The following IGSF22 variants were observed in gnomAD, a reference collection of about 807,000 sequenced individuals.
The protein encoded by IGSF22 is immunoglobulin superfamily member 22.
Under a neutral mutation model 127.0 loss-of-function variants are expected in IGSF22, and 119 were observed. The ratio of observed to expected loss-of-function variants is 0.94; its 90% CI spans 0.81 to 1.09. The LOEUF (loss-of-function observed/expected upper bound fraction) is 1.09, where lower values mean the gene tolerates loss of function less well. Ranked by LOEUF, IGSF22 falls within the 50% of genes least tolerant of loss-of-function variation. The probability of loss-of-function intolerance (pLI) is 0.00; values close to 1 mark genes in which losing one functional copy is unlikely to be tolerated. For synonymous variants in IGSF22, 568 were observed against 664.7 expected (o/e 0.85, Z 2.24); for missense variants, 1,518 against 1,716.6 (o/e 0.88, Z 2.04).
intron 4 of IGSF22, among the ~76,000 whole-genome samples, chr11:18,720,885 A>G (rs986287785): frequency 1.3e-5 from 2 of 152,086 alleles, no homozygotes; most frequent in Non-Finnish European, 1.5e-5. Context: ...GTCTGTGGGG[A>G]AAAAAGGAGG....
chr11:18,710,474 G>A lies in IGSF22; in HGVS notation c.2573-19C>T, dbSNP rs1295769445. Reference sequence around the variant, plus strand: ...TTGGTGCCTGAAATGGGAAGATGAGGGGTCGTGAGGCCAGAGGCATCCATG... The same window carrying A: ...TTGGTGCCTGAAATGGGAAGATGAGAGGTCGTGAGGCCAGAGGCATCCATG... On this transcript the variant is annotated intron_variant, in intron 16 of 22. Coordinates refer to ENST00000513874, the MANE Select transcript of IGSF22 (RefSeq NM_173588.4). 3 of 1,613,534 alleles carry A rather than the reference G, an allele frequency of 1.9e-6. No homozygotes were observed. The highest frequency in any genetic ancestry group is 1.7e-6 in the Non-Finnish European group (2 of 1,179,914).
At chr11:18,712,627 C>A (rs1368428478) in intron 14 of IGSF22, among the ~76,000 whole-genome samples, 3 of 152,224 alleles carry the variant, frequency 2.0e-5, no homozygotes, top group Non-Finnish European at 4.4e-5. Context: ...GGGCCCCTGC[C>A]CTTAGCTGAT....
chr11:18,708,421 T>C (rs1463235973), intron 18 of IGSF22, 126 bp from the exon 19 acceptor site: 1 of 651,908 alleles, frequency 1.5e-6, no homozygotes, highest in Admixed American at 3.4e-5. Flanking sequence ...CATACAGACA[T>C]CTAGCTGCCC....
chr11:18,719,028 C>T (rs1848514560), intron 7 of IGSF22, among the ~76,000 whole-genome samples: 1 of 152,112 alleles, frequency 6.6e-6, no homozygotes, highest in Non-Finnish European at 1.5e-5. Flanking sequence ...TGAATGACAG[C>T]AACAACACAA....
chr11:18,715,779 G>A, intron 10 of IGSF22, 63 bp from the exon 11 acceptor site: 1 of 1,533,512 alleles, frequency 6.5e-7, no homozygotes. Context: ...TGCAGCTATA[G>A]AGCCAAAAGC....
chr11:18,713,151 CTT>C (rs11364796), intron 14 of IGSF22, among the ~76,000 whole-genome samples: 303 of 117,596 alleles, frequency 2.6e-3, no homozygotes, highest in African/African-American at 5.7e-3. Context: ...GTTGTTGTTT[CTT>C]TTTTTTTTTT....
rs1191832868 is a variant in IGSF22 at position 18,706,081 on chromosome 11, C to G, written c.3646G>C (p.Val1216Leu). ...ACCGTGTGTGGCTTGAGGGGCGTCA[C>G]GAAGCGCGGCGCGTGGCGCCAGTCC... ...KKDWRHAPRFVTPLKPHTVLR... is the reference protein window; with the variant it reads ...KKDWRHAPRFLTPLKPHTVLR... Residue 1216 changes from valine to leucine, a missense_variant, in exon 22 of 23, where the codon GTG becomes CTG. Physicochemically the swap from Val to Leu is conservative, Grantham distance 32 (BLOSUM62 1). Around this residue, in one of 3 missense-constraint regions of IGSF22, gnomAD observed 1,456 missense variants for 1,644.9 expected, o/e 0.89. Transcript: ENST00000513874. 1.2e-5 allele frequency: 19 copies of G among 1,549,486 alleles called. No homozygotes were observed. Among genetic ancestry groups the G allele is most frequent in the Middle Eastern group, 1.7e-4 (1 of 5,988 alleles).
Position 18,712,228 on chromosome 11 carries a change from A to G in IGSF22, c.2252T>C (p.Ile751Thr), listed in dbSNP as rs770312704. ...GGTGACTTTGCCGTCCACCTCGCCTATCTTAATCCAGGACTTCTTGCCAAC... is the reference window on the plus strand; with the variant it reads ...GGTGACTTTGCCGTCCACCTCGCCTGTCTTAATCCAGGACTTCTTGCCAAC... ...RAVGKKSWIK[I>T]GEVDGKVTNF... The change falls in exon 15 of 23, where the codon ATA becomes ACA. Residue 751 changes from isoleucine to threonine, a missense_variant. Physicochemically the swap from Ile to Thr is moderately conservative, Grantham distance 89. Transcript: ENST00000513874. 7.1e-6 allele frequency: 11 copies of G among 1,551,542 alleles called. No homozygotes were observed. The African/African-American group carries it at 8.2e-5, about 12-fold the overall frequency.
chr11:18,709,704 A>G lies in IGSF22; in HGVS notation c.2702-21T>C, dbSNP rs2134159518. On this transcript the variant is annotated intron_variant, in intron 17 of 22. Transcript: ENST00000513874. This position sits in a 1 kb window ranked among gnomAD's most constrained non-coding sequence, Gnocchi z 4.8. ...GGGTTCTGGGGTAGAACAGACATGT[A>G]GTCAGCCCCTCCAACTCATCTCCAC... is the stretch of plus-strand genomic sequence containing the variant. 6.2e-7 allele frequency: 1 copy of G among 1,604,872 alleles called. No homozygotes were observed. The highest frequency in any genetic ancestry group is 8.5e-7 in the Non-Finnish European group (1 of 1,174,020).
Position 18,714,365 on chromosome 11 carries a change from G to A in IGSF22, c.1710C>T (p.Leu570=), listed in dbSNP as rs1407092425. The A allele has an allele frequency of 6.2e-7, 1 of 1,614,262 alleles. No homozygotes were observed. Among genetic ancestry groups the A allele is most frequent in the Non-Finnish European group, 8.5e-7 (1 of 1,180,054 alleles). The change falls in exon 13 of 23, where the codon CTC becomes CTT. Residue 570 remains leucine, a synonymous_variant. Coordinates refer to ENST00000513874, the MANE Select transcript of IGSF22 (RefSeq NM_173588.4). ...GCTCAGGGCCCATACTGGGAAAGAT[G>A]AGCTTGTGCACTGCACCCTGCTTCA... ...QIVKQGAVHK[L]IFPSMGPEHE...
At position 18,723,992 on chromosome 11, in the gene IGSF22, G is replaced by A. The variant is rs532880145; in HGVS notation, c.109+136C>T. 178 of 624,930 alleles carry A rather than the reference G, an allele frequency of 2.8e-4. 1 individual carries two copies. The highest frequency in any genetic ancestry group is 2.7e-3 in the African/African-American group (146 of 55,058). 38.7% of individuals were successfully genotyped at this position (624,930 alleles called of 1,614,324 possible). On this transcript the variant is annotated intron_variant, in intron 2 of 22. Coordinates refer to ENST00000513874, the MANE Select transcript of IGSF22 (RefSeq NM_173588.4). ...AACAAAGCCAAGATTAGAAGCACAC[G>A]TTGGGTGGGGGTTGCTGTTGGTATT... is the stretch of plus-strand genomic sequence containing the variant.
rs1380324998 is a variant in IGSF22, at chr11:18,719,737, C to T, written c.675G>A (p.Met225Ile). 1 of 1,614,160 alleles carries T rather than the reference C, an allele frequency of 6.2e-7. No homozygotes were observed. Among genetic ancestry groups the T allele is most frequent in the Middle Eastern group, 1.6e-4 (1 of 6,062 alleles). Reference sequence around the variant, plus strand: ...TTACCTCCACCTCTACTTTCTTCTTCATCTCTTTGAGCTTCCTGAGCAGCC... The same window carrying T: ...TTACCTCCACCTCTACTTTCTTCTTTATCTCTTTGAGCTTCCTGAGCAGCC... ...FRGLLRKLKE[M>I]KKKVEVEAIR... is the part of the protein sequence containing the mutation. The change falls in exon 7 of 23, where the codon ATG becomes ATA. Residue 225 changes from methionine (M) to isoleucine (I), a missense_variant. Coordinates refer to ENST00000513874, the MANE Select transcript of IGSF22 (RefSeq NM_173588.4).
chr11:18,714,522 A>G lies in IGSF22; in HGVS notation c.1634T>C (p.Val545Ala). The G allele has an allele frequency of 6.2e-7, 1 of 1,614,058 alleles. No individual in the cohort carries two copies. Among genetic ancestry groups the G allele is most frequent in the East Asian group, 2.2e-5 (1 of 44,874 alleles). Reference protein sequence around the residue: ...VVLNDEKVEGVWLKDGKEITD... With the variant: ...VVLNDEKVEGAWLKDGKEITD... The stretch of plus-strand genomic sequence containing the variant: ...GACCTCCTTGCCATCCTTCAGCCAC[A>G]CACCCTCCACCTTCTCGTCATTCAG... Residue 545 changes from valine to alanine, a missense_variant, in exon 12 of 23, where the codon GTG (valine) becomes GCG (alanine). Val to Ala is a moderately conservative substitution (Grantham distance 64, BLOSUM62 0). Around this residue, in one of 3 missense-constraint regions of IGSF22, gnomAD observed 1,456 missense variants for 1,644.9 expected, o/e 0.89. Coordinates refer to ENST00000513874, the MANE Select transcript of IGSF22 (RefSeq NM_173588.4).
chr11:18,726,008 T>TAGTC (rs1402585831), intron 1 of IGSF22, 66 bp downstream of exon 1: 1 of 152,510 alleles, frequency 6.6e-6, no homozygotes, highest in East Asian at 1.9e-4. Flanking sequence ...CTCTACCCTA[T>TAGTC]AGTCCCCTCT....
intron 20 of IGSF22, 78 bp from the exon 21 acceptor site, chr11:18,707,291 C>G (rs1848259258): frequency 3.9e-6 from 5 of 1,295,066 alleles, no homozygotes; most frequent in Non-Finnish European, 5.2e-6. Context: ...TCTGCCAAGT[C>G]CGATGGAAGA....
chr11:18,708,112 G>GCAGAGT lies in IGSF22; in HGVS notation c.3087+89_3087+94dup, dbSNP rs1201095267. 1.9e-5 allele frequency: 29 copies of GCAGAGT among 1,523,016 alleles called. No homozygotes were observed. The Middle Eastern group carries it at 5.4e-4, about 28-fold the overall frequency. The allele number at this position is 1,523,016 out of a possible 1,614,324, so 94.3% of individuals were successfully genotyped here. Reference sequence around the variant, plus strand: ...TGTCGCACTAGGGGTCTGGTGAGGGGCAGAGTCAGAGTCAGAGTCAGAGAC... The same window carrying GCAGAGT: ...TGTCGCACTAGGGGTCTGGTGAGGGGCAGAGTCAGAGTCAGAGTCAGAGTCAGAGAC... On this transcript the variant is annotated intron_variant, in intron 19 of 22. Coordinates refer to ENST00000513874, the MANE Select transcript of IGSF22 (RefSeq NM_173588.4).
In IGSF22 at chr11:18,709,045, G is replaced by A. The variant is rs1038876726; in HGVS notation, c.2998+342C>T. ...TTTGAATTTTCGGGGAATTGATTTG[G>A]GTAATAACTCTGTCTCCCATACAGC... On this transcript the variant is annotated intron_variant, in intron 18 of 22. Transcript: ENST00000513874. The surrounding 1 kb of genome is among the most constrained non-coding windows in gnomAD (Gnocchi z 4.8). Among the ~76,000 whole-genome samples the A allele has an allele frequency of 2.6e-5, 4 of 152,138 alleles. No individual in the cohort carries two copies. Among genetic ancestry groups the A allele is most frequent in the Non-Finnish European group, 5.9e-5 (4 of 68,026 alleles).
chr11:18,724,323 C>G (rs1157421288), intron 1 of IGSF22, 54 bp from the exon 2 acceptor site: 1 of 911,542 alleles, frequency 1.1e-6, no homozygotes, highest in East Asian at 2.4e-5. Context: ...GAGGGAGATT[C>G]AGAGATGTTA....
At chr11:18,718,549 C>A in intron 8 of IGSF22, 66 bp downstream of exon 8, 1 of 902,644 alleles carries the variant, frequency 1.1e-6, no homozygotes, top group Admixed American at 1.7e-5. Flanking sequence ...GGCTTATATA[C>A]AGTGAGAGAA....
Sources: gnomAD v4.1 joint callset for allele counts (sites outside exome capture counted in the v4.1 genomes callset) on GRCh38, gnomAD v4.1.1 for gene constraint, gnomAD v4.1.1 regional missense constraint, Gnocchi (gnomAD v3.1) non-coding constraint, MANE v1.5 for transcripts, NCBI Gene and HGNC (gene_info 2026-07-23, HGNC 2026-07-21) for gene names.